The following SENP1 variants were observed in gnomAD, a reference collection of about 807,000 sequenced individuals.
SENP1 encodes the protein sentrin-specific protease 1.
In SENP1, 21 loss-of-function variants were observed where a neutral mutation model predicts 93.0. The ratio of observed to expected loss-of-function variants is 0.23; its 90% CI spans 0.16 to 0.33. The LOEUF is 0.33. Ranked by LOEUF, SENP1 falls within the 10% of genes least tolerant of loss-of-function variation. The pLI, the probability that SENP1 is intolerant of heterozygous loss-of-function variation, is 1.00. For missense variants in SENP1, 591 were observed against 758.7 expected (o/e 0.78, Z 2.60); for synonymous variants, 256 against 259.6 (o/e 0.99, Z 0.13).
At chr12:48,046,601 A>G in intron 16 of SENP1, 150 bp from the exon 17 acceptor site, 1 of 641,216 alleles carries the variant, frequency 1.6e-6, no homozygotes, top group Non-Finnish European at 2.8e-6. Flanking sequence ...CAGAGGCTCA[A>G]AGAAACAAAA....
chr12:48,060,744 A>G (rs931252786), intron 13 of SENP1, among the ~76,000 whole-genome samples: 11 of 152,160 alleles, frequency 7.2e-5, no homozygotes, highest in African/African-American at 2.4e-4. Flanking sequence ...CACTGCTCCC[A>G]GTGTAATTTC....
intron 13 of SENP1, among the ~76,000 whole-genome samples, chr12:48,055,985 GAT>G (rs944240473): frequency 1.0e-4 from 13 of 128,056 alleles, no homozygotes; most frequent in South Asian, 2.3e-4. Flanking sequence ...TTTAATACAT[GAT>G]ATATATTATT....
chr12:48,072,516 C>T (rs532095722), intron 8 of SENP1, among the ~76,000 whole-genome samples: 1 of 152,250 alleles, frequency 6.6e-6, no homozygotes, highest in East Asian at 1.9e-4. Flanking sequence ...ACTCAGGAGG[C>T]TGAGGCAGCA....
At chr12:48,053,989 T>C (rs1055638402) in intron 13 of SENP1, among the ~76,000 whole-genome samples, 12 of 152,052 alleles carry the variant, frequency 7.9e-5, no homozygotes, top group Admixed American at 2.6e-4. Context: ...TCCACGTAAA[T>C]TGACAGCAAG....
chr12:48,101,642 A>G, intron 1 of SENP1, 126 bp from the exon 2 acceptor site: 1 of 576,604 alleles, frequency 1.7e-6, no homozygotes, highest in Non-Finnish European at 3.0e-6. Flanking sequence ...CTAAGGTGGT[A>G]AAGAGTTGAC....
chr12:48,091,260 G>T (rs1358728373), intron 4 of SENP1, among the ~76,000 whole-genome samples: 2 of 152,112 alleles, frequency 1.3e-5, no homozygotes, highest in Non-Finnish European at 1.5e-5. Context: ...CACCAGCCTA[G>T]CCAGTATGGT....
chr12:48,091,018 C>T (rs1945193775), intron 4 of SENP1, among the ~76,000 whole-genome samples: 1 of 152,108 alleles, frequency 6.6e-6, no homozygotes, highest in South Asian at 2.1e-4. Context: ...ACACACAAAA[C>T]TAGGAGAAAA....
At chr12:48,061,749 C>A (rs1207854215) in intron 13 of SENP1, among the ~76,000 whole-genome samples, 1 of 152,084 alleles carries the variant, frequency 6.6e-6, no homozygotes, top group Non-Finnish European at 1.5e-5. Context: ...CTTAAGGATA[C>A]CTAATAATAC....
intron 5 of SENP1, chr12:48,085,268 C>T: frequency 6.4e-7 from 1 of 1,553,830 alleles, no homozygotes; most frequent in Non-Finnish European, 8.9e-7. Flanking sequence ...TCAACCAGTA[C>T]ATCGCAGAGA....
At chr12:48,066,125 C>T (rs1943275832) in intron 10 of SENP1, among the ~76,000 whole-genome samples, 1 of 152,110 alleles carries the variant, frequency 6.6e-6, no homozygotes, top group Non-Finnish European at 1.5e-5. Flanking sequence ...GAAAGCGAAA[C>T]TTCAGTCTGG....
intron 13 of SENP1, among the ~76,000 whole-genome samples, chr12:48,060,981 C>T (rs1243778225): frequency 2.0e-5 from 3 of 152,164 alleles, no homozygotes; most frequent in East Asian, 3.9e-4. Flanking sequence ...CAGAATTTAA[C>T]CAAACTGACC....
intron 6 of SENP1, among the ~76,000 whole-genome samples, chr12:48,083,305 T>C (rs1944616397): frequency 6.6e-6 from 1 of 152,182 alleles, no homozygotes; most frequent in African/African-American, 2.4e-5. Context: ...GAGAGATACT[T>C]TGATGTATGA....
chr12:48,049,562 C>T (rs1485825646), intron 13 of SENP1, among the ~76,000 whole-genome samples: 2 of 152,274 alleles, frequency 1.3e-5, no homozygotes, highest in South Asian at 2.1e-4. Context: ...GCTCAGTTAG[C>T]GCCTAGTGTT....
At chr12:48,046,763 A>C (rs1941400202) in intron 16 of SENP1, among the ~76,000 whole-genome samples, 1 of 152,074 alleles carries the variant, frequency 6.6e-6, no homozygotes, top group Admixed American at 6.6e-5. Context: ...AGCTTAGTAA[A>C]ATATCTGGGC....
intron 4 of SENP1, 65 bp from the exon 5 acceptor site, chr12:48,089,025 C>G: frequency 1.3e-6 from 2 of 1,538,426 alleles, no homozygotes; most frequent in East Asian, 2.3e-5. Flanking sequence ...ATGACTGCAA[C>G]CATGACCAAC....
chr12:48,061,810 G>A (rs1304268899), intron 13 of SENP1, among the ~76,000 whole-genome samples: 5 of 152,148 alleles, frequency 3.3e-5, no homozygotes, highest in South Asian at 2.1e-4. Context: ...AGCCTACGAA[G>A]TATGGTACTT....
chr12:48,087,121 T>G (rs1316896911), intron 5 of SENP1, among the ~76,000 whole-genome samples: 1 of 152,102 alleles, frequency 6.6e-6, no homozygotes, highest in Non-Finnish European at 1.5e-5. Context: ...AGCCAATAAC[T>G]TCCAGATGCA....
intron 13 of SENP1, among the ~76,000 whole-genome samples, chr12:48,060,112 T>C (rs867671188): frequency 2.0e-5 from 3 of 152,182 alleles, no homozygotes; most frequent in South Asian, 2.1e-4. Flanking sequence ...GGGGATATTA[T>C]AGCATACATA....
chr12:48,063,243 T>C (rs1393738375), intron 13 of SENP1, among the ~76,000 whole-genome samples: 1 of 152,158 alleles, frequency 6.6e-6, no homozygotes, highest in African/African-American at 2.4e-5. Flanking sequence ...CATACATAAA[T>C]GGAGGCGATT....
Sources: gnomAD v4.1 joint callset for allele counts (sites outside exome capture counted in the v4.1 genomes callset) on GRCh38, gnomAD v4.1.1 for gene constraint, MANE v1.5 for transcripts, NCBI Gene and HGNC (gene_info 2026-07-23, HGNC 2026-07-21) for gene names.